ARHGEF10L: variants seen among roughly 807,000 people sequenced by gnomAD.
The protein encoded by ARHGEF10L is rho guanine nucleotide exchange factor 10-like protein.
ARHGEF10L carries 69 observed loss-of-function variants against 141.2 expected under a neutral mutation model. That is an observed-to-expected ratio of 0.49 (90% CI 0.40 to 0.60). ARHGEF10L has a LOEUF of 0.60. ARHGEF10L is among the 20% of genes least tolerant of loss of function. The pLI is 0.00. For synonymous variants in ARHGEF10L, 711 were observed against 718.5 expected (o/e 0.99, Z 0.17); for missense variants, 1,482 against 1,734.3 (o/e 0.85, Z 2.58).
intron 27 of ARHGEF10L, among the ~76,000 whole-genome samples, chr1:17,692,432 G>A (rs12137775): frequency 2.0e-5 from 3 of 151,968 alleles, no homozygotes; most frequent in African/African-American, 7.3e-5. Context: ...CCCCCAAACC[G>A]GCTCCTTTGC....
chr1:17,683,702 C>T (rs1392580761), intron 26 of ARHGEF10L, among the ~76,000 whole-genome samples: 13 of 152,246 alleles, frequency 8.5e-5, no homozygotes, highest in East Asian at 5.8e-4. Context: ...CCGGCCTCCC[C>T]GCTTTGGGCT....
At chr1:17,572,512 C>T (rs374481068) in intron 1 of ARHGEF10L, among the ~76,000 whole-genome samples, 4 of 152,172 alleles carry the variant, frequency 2.6e-5, no homozygotes, top group African/African-American at 4.8e-5. Context: ...CACACTCCCC[C>T]CTTTTACTTA....
At chr1:17,526,886 A>T in the ARHGEF10L span, among the ~76,000 whole-genome samples, 303 of 146,556 alleles carry the variant, frequency 2.1e-3, 2 homozygotes, top group African/African-American at 7.4e-3. Context: ...CCTGGACAAG[A>T]GAGTGAGACC....
In ARHGEF10L at chr1:17,654,031, C is replaced by T. The variant is rs1015944263; in HGVS notation, c.2395-605C>T. Among the ~76,000 whole-genome samples, 1 of 152,240 alleles carries T rather than the reference C, an allele frequency of 6.6e-6. No homozygotes were observed. Among genetic ancestry groups the T allele is most frequent in the Non-Finnish European group, 1.5e-5 (1 of 68,048 alleles). ...AAGAGCAGTCTCTACTCTGTCTTCT[C>T]CTTCAGTGTGGCCCATGAGTGGGCC... On this transcript the variant is annotated intron_variant, in intron 22 of 28. Transcript: ENST00000361221. This position sits in a 1 kb window ranked among gnomAD's most constrained non-coding sequence, Gnocchi z 4.3.
intron 2 of ARHGEF10L, among the ~76,000 whole-genome samples, chr1:17,584,190 G>A (rs1210790682): frequency 1.3e-5 from 2 of 152,040 alleles, no homozygotes; most frequent in East Asian, 1.9e-4. Context: ...GACTACAGGT[G>A]TATGCTACTA....
In ARHGEF10L at chr1:17,552,434, G is replaced by A. The variant is rs530238527; in HGVS notation, c.-44+12484G>A. Among the ~76,000 whole-genome samples the A allele has an allele frequency of 4.9e-4, 75 of 151,648 alleles. 1 individual carries two copies. Among genetic ancestry groups the A allele is most frequent in the Non-Finnish European group, 1.0e-3 (71 of 67,960 alleles). On this transcript the variant is annotated intron_variant, in intron 1 of 28. Transcript: ENST00000361221. Reference sequence around the variant, plus strand: ...TTTTCTTTTGAGATAGAATCTCACTGTGTCACCCGGCTGCAGTGCAGTGGC... The same window carrying A: ...TTTTCTTTTGAGATAGAATCTCACTATGTCACCCGGCTGCAGTGCAGTGGC...
intron 25 of ARHGEF10L, among the ~76,000 whole-genome samples, chr1:17,657,725 G>A (rs781658126): frequency 3.3e-5 from 5 of 152,218 alleles, no homozygotes; most frequent in East Asian, 1.9e-4. Flanking sequence ...CCTTCTCACC[G>A]TCAGACAGAG....
chr1:17,637,953 G>C lies in ARHGEF10L; in HGVS notation c.1993G>C (p.Val665Leu), dbSNP rs866671024. ...GCAGGACCTGCAGAAGGACCTGGCC[G>C]TGGTGGAGCAGATCACGCTTCTCAT... is the stretch of plus-strand genomic sequence containing the variant. ...ELQDLQKDLA[V>L]VEQITLLIST... Residue 665 changes from valine (V) to leucine (L), a missense_variant, in exon 19 of 29, where the codon GTG (valine) becomes CTG (leucine). Physicochemically the swap from Val to Leu is conservative, Grantham distance 32. Transcript: ENST00000361221. 1 of 1,601,186 alleles carries C rather than the reference G, an allele frequency of 6.2e-7. No homozygotes were observed. The highest frequency in any genetic ancestry group is 1.7e-5 in the Admixed American group (1 of 58,512).
rs2059731840 is a variant in ARHGEF10L at position 17,615,025 on chromosome 1, C to T, written c.727-1069C>T. On this transcript the variant is annotated intron_variant, in intron 8 of 28. Coordinates refer to ENST00000361221, the MANE Select transcript of ARHGEF10L (RefSeq NM_018125.4). The surrounding 1 kb of genome is among the most constrained non-coding windows in gnomAD (Gnocchi z 4.7). ...TAGGAAGGAGAAGGTTTTCTTAGGA[C>T]TGCACTGTCCATTATGATAGCCACG... The T allele has an allele frequency of 6.6e-6, 1 of 152,206 alleles. No individual in the cohort carries two copies. Among genetic ancestry groups the T allele is most frequent in the African/African-American group, 2.4e-5 (1 of 41,438 alleles). 9.4% of individuals were successfully genotyped at this position (152,206 alleles called of 1,614,324 possible). A position where few individuals can be genotyped will look rare whatever the true frequency, so the allele number is the denominator to read the frequency against.
chr1:17,527,703 A>G, the ARHGEF10L span, among the ~76,000 whole-genome samples: 1 of 151,498 alleles, frequency 6.6e-6, no homozygotes, highest in Admixed American at 6.6e-5. Flanking sequence ...CTGAAACATC[A>G]ACATACTCTT....
chr1:17,688,323 A>G (rs967619613), intron 27 of ARHGEF10L, among the ~76,000 whole-genome samples: 13 of 152,262 alleles, frequency 8.5e-5, no homozygotes, highest in African/African-American at 3.1e-4. Flanking sequence ...GCGGCGAAGG[A>G]TTAAGGCTGG....
intron 9 of ARHGEF10L, among the ~76,000 whole-genome samples, chr1:17,617,929 G>A (rs961591977): frequency 2.0e-5 from 3 of 152,154 alleles, no homozygotes; most frequent in African/African-American, 4.8e-5. Flanking sequence ...TGGCTGTGTC[G>A]CCTTGCACTT....
Position 17,644,678 on chromosome 1 carries a change from A to T in ARHGEF10L, c.2273-3876A>T, listed in dbSNP as rs1326011418. On this transcript the variant is annotated intron_variant, in intron 21 of 28. Coordinates refer to ENST00000361221, the MANE Select transcript of ARHGEF10L (RefSeq NM_018125.4). This position sits in a 1 kb window ranked among gnomAD's most constrained non-coding sequence, Gnocchi z 4.5. ...TAAGTTTGGGAAGTTCGGGAAGAGC[A>T]GTAAAGGCACGATACTGGGACTGAG... Among the ~76,000 whole-genome samples, 1 of 152,072 alleles carries T rather than the reference A, an allele frequency of 6.6e-6. No homozygotes were observed. Among genetic ancestry groups the T allele is most frequent in the Admixed American group, 6.5e-5 (1 of 15,280 alleles).
At chr1:17,680,065 C>A (rs914957181) in intron 26 of ARHGEF10L, among the ~76,000 whole-genome samples, 2 of 152,166 alleles carry the variant, frequency 1.3e-5, no homozygotes, top group Non-Finnish European at 2.9e-5. Flanking sequence ...TTCTGCCCCG[C>A]CTTGCCCCAC....
Position 17,662,866 on chromosome 1 carries a change from C to T in ARHGEF10L, c.2861-1581C>T, listed in dbSNP as rs569929413. Among the ~76,000 whole-genome samples, 62 of 152,278 alleles carry T rather than the reference C, an allele frequency of 4.1e-4. 1 individual carries two copies. Among genetic ancestry groups the T allele is most frequent in the Middle Eastern group, 3.4e-3 (1 of 294 alleles). On this transcript the variant is annotated intron_variant, in intron 25 of 28. Transcript: ENST00000361221. The stretch of plus-strand genomic sequence containing the variant: ...TCTGCCTGTGATGGGCTGCTCTGTA[C>T]TCTTACCAGGGACCCAGTGGAGGGC...
chr1:17,516,948 T>C, the ARHGEF10L span, among the ~76,000 whole-genome samples: 1 of 152,232 alleles, frequency 6.6e-6, no homozygotes, highest in African/African-American at 2.4e-5. Context: ...AGGTGCTATA[T>C]AGGCAAACCT....
intron 21 of ARHGEF10L, among the ~76,000 whole-genome samples, chr1:17,642,427 G>A (rs557328555): frequency 2.8e-4 from 43 of 152,350 alleles, no homozygotes; most frequent in East Asian, 3.9e-4. Context: ...GGGGAGAGCC[G>A]TATGGGATTT....
At chr1:17,617,955 C>T (rs1277775197) in intron 9 of ARHGEF10L, among the ~76,000 whole-genome samples, 9 of 152,168 alleles carry the variant, frequency 5.9e-5, no homozygotes, top group Non-Finnish European at 7.3e-5. Context: ...CCTCTTGGGG[C>T]GGCAGACCAT....
In ARHGEF10L at chr1:17,623,566, C is replaced by T. The variant is rs1406884077; in HGVS notation, c.1200+391C>T. Reference sequence around the variant, plus strand: ...ACAACTTTGGCCCGGAGAGGATGTGCCGCAGTGCTGGGGAAAGGGCACTGG... The same window carrying T: ...ACAACTTTGGCCCGGAGAGGATGTGTCGCAGTGCTGGGGAAAGGGCACTGG... On this transcript the variant is annotated intron_variant, in intron 12 of 28. Transcript: ENST00000361221. The surrounding 1 kb of genome is among the most constrained non-coding windows in gnomAD (Gnocchi z 4.7). Among the ~76,000 whole-genome samples, 2 of 152,174 alleles carry T rather than the reference C, an allele frequency of 1.3e-5. No homozygotes were observed. The highest frequency in any genetic ancestry group is 2.9e-5 in the Non-Finnish European group (2 of 68,034).
Sources: gnomAD v4.1 joint callset for allele counts (sites outside exome capture counted in the v4.1 genomes callset) on GRCh38, gnomAD v4.1.1 for gene constraint, Gnocchi (gnomAD v3.1) non-coding constraint, MANE v1.5 for transcripts, NCBI Gene and HGNC (gene_info 2026-07-23, HGNC 2026-07-21) for gene names.